KIF1B: variants seen among roughly 807,000 people sequenced by gnomAD.
KIF1B encodes the protein kinesin family member 1B, also known as kinesin-like protein KIF1B.
A neutral mutation model predicts 241.9 loss-of-function variants in KIF1B; 76 were observed. That is an observed-to-expected ratio of 0.31 (90% CI 0.26 to 0.38). The LOEUF is 0.38. KIF1B is among the 10% of genes least tolerant of loss of function. KIF1B has a pLI of 1.00. For synonymous variants in KIF1B, 750 were observed against 796.7 expected (o/e 0.94, Z 0.99); for missense variants, 1,622 against 2,271.4 (o/e 0.71, Z 5.81).
At position 10,335,841 on chromosome 1, in the gene KIF1B, G is replaced by GAA. The variant is rs70997221; in HGVS notation, c.3044-805_3044-804dup. Among the ~76,000 whole-genome samples, 517 of 144,082 alleles carry GAA rather than the reference G, an allele frequency of 3.6e-3. 3 individuals are homozygous for GAA. The highest frequency in any genetic ancestry group is 0.012 in the African/African-American group (467 of 39,190). The allele number at this position is 144,082 out of a possible 152,430, so 94.5% of individuals were successfully genotyped here. ...AGACCCCATCTCTTAAAAAACAATT[G>GAA]AAAAAAAAAAAAGATTTTGGTATTT... On this transcript the variant is annotated intron_variant, in intron 28 of 48. Coordinates refer to ENST00000676179, the MANE Select transcript of KIF1B (RefSeq NM_001365951.3).
At chr1:10,248,004 C>T (rs1463033596) in intron 2 of KIF1B, among the ~76,000 whole-genome samples, 2 of 152,172 alleles carry the variant, frequency 1.3e-5, no homozygotes, top group Admixed American at 6.6e-5. Context: ...GACAGATGCT[C>T]GCCTGTTGCT....
chr1:10,265,605 G>C (rs1648414653), intron 5 of KIF1B, among the ~76,000 whole-genome samples: 1 of 152,120 alleles, frequency 6.6e-6, no homozygotes, highest in African/African-American at 2.4e-5. Context: ...TGCACTTTGG[G>C]AGGCCAAGAT....
rs183727310 is a variant in KIF1B, at chr1:10,287,046, C to T, written c.1435-4036C>T. Among the ~76,000 whole-genome samples the T allele has an allele frequency of 7.9e-5, 12 of 152,306 alleles. No homozygotes were observed. The East Asian group carries it at 2.1e-3, about 27-fold the overall frequency. The stretch of plus-strand genomic sequence containing the variant: ...GAATGCTGTTTTGCACTTGGCTTCC[C>T]TATTTATACTAAGTTTGCTACTCAG... On this transcript the variant is annotated intron_variant, in intron 15 of 48. Coordinates refer to ENST00000676179, the MANE Select transcript of KIF1B (RefSeq NM_001365951.3).
chr1:10,232,520 A>C, intron 2 of KIF1B, 86 bp downstream of exon 2: 1 of 935,530 alleles, frequency 1.1e-6, no homozygotes, highest in Non-Finnish European at 1.7e-6. Context: ...GAATAGATGA[A>C]CATCTGTATG....
At chr1:10,252,246 G>A (rs140404881) in intron 2 of KIF1B, among the ~76,000 whole-genome samples, 1 of 151,798 alleles carries the variant, frequency 6.6e-6, no homozygotes, top group Non-Finnish European at 1.5e-5. Flanking sequence ...CACCACGTTG[G>A]CCAGGCTGGT....
At chr1:10,350,184 A>G (rs143393795) in intron 37 of KIF1B, among the ~76,000 whole-genome samples, 4,401 of 149,886 alleles carry the variant, frequency 0.029, 65 homozygotes, top group African/African-American at 0.039. Context: ...AGGTACTCGG[A>G]AGGCTGAGAC....
chr1:10,232,480 T>C lies in KIF1B; in HGVS notation c.106+46T>C, dbSNP rs750694157. On this transcript the variant is annotated intron_variant, in intron 2 of 48. Transcript: ENST00000676179. ...CTCAGCTGTGTATCTTACTTTCCTT[T>C]CTTCTTTCCCTGTCGTCTTGCTGTG... 9.5e-6 allele frequency: 13 copies of C among 1,365,226 alleles called. No individual in the cohort carries two copies. In the South Asian group the frequency reaches 1.4e-4, roughly 15 times the overall value. 84.6% of individuals were successfully genotyped at this position (1,365,226 alleles called of 1,614,324 possible). A position where few individuals can be genotyped will look rare whatever the true frequency, so the allele number is the denominator to read the frequency against.
At chr1:10,245,096 C>T (rs1386397033) in intron 2 of KIF1B, among the ~76,000 whole-genome samples, 1 of 152,140 alleles carries the variant, frequency 6.6e-6, no homozygotes, top group Non-Finnish European at 1.5e-5. Context: ...TTGCCAACAA[C>T]AGTATAATTA....
chr1:10,276,464 C>CTTT, intron 12 of KIF1B, 65 bp downstream of exon 12: 1 of 1,096,700 alleles, frequency 9.1e-7, no homozygotes, highest in Non-Finnish European at 1.4e-6. Context: ...TTTGTGATAC[C>CTTT]ATGGATGTTT....
intron 1 of KIF1B, among the ~76,000 whole-genome samples, chr1:10,220,371 A>AATAGATAGATAG (rs1553160021): frequency 1.7e-4 from 25 of 143,676 alleles, no homozygotes; most frequent in African/African-American, 4.4e-4. Flanking sequence ...ACCCTGTTTC[A>AATAGATAGATAG]ATAGATAGAT....
At chr1:10,318,940 C>T (rs1273749125) in intron 22 of KIF1B, among the ~76,000 whole-genome samples, 1 of 152,036 alleles carries the variant, frequency 6.6e-6, no homozygotes, top group African/African-American at 2.4e-5. Context: ...TACTACATAT[C>T]TGTATACTGA....
intron 1 of KIF1B, among the ~76,000 whole-genome samples, chr1:10,217,273 C>G (rs1646781373): frequency 6.6e-6 from 1 of 151,216 alleles, no homozygotes; most frequent in African/African-American, 2.4e-5. Context: ...TGTGCCCAGC[C>G]TTTTCTACTG....
chr1:10,356,322 G>A (rs951363365), intron 38 of KIF1B, among the ~76,000 whole-genome samples: 6 of 151,922 alleles, frequency 3.9e-5, no homozygotes, highest in Non-Finnish European at 4.4e-5. Context: ...CCGAGATCGC[G>A]CCACTGCATT....
intron 35 of KIF1B, 55 bp from the exon 36 acceptor site, chr1:10,347,705 TA>T: frequency 7.0e-7 from 1 of 1,432,294 alleles, no homozygotes; most frequent in Non-Finnish European, 9.8e-7. Flanking sequence ...CACCAGGGGC[TA>T]AGCCTTGCAG....
At chr1:10,289,377 G>A (rs1649872907) in intron 15 of KIF1B, among the ~76,000 whole-genome samples, 1 of 152,036 alleles carries the variant, frequency 6.6e-6, no homozygotes, top group Non-Finnish European at 1.5e-5. Context: ...AAAACTCCAG[G>A]TACTTTCCCA....
At chr1:10,249,082 T>C (rs1389507098) in intron 2 of KIF1B, among the ~76,000 whole-genome samples, 2 of 152,236 alleles carry the variant, frequency 1.3e-5, no homozygotes, top group African/African-American at 4.8e-5. Flanking sequence ...AAGTGGCGAC[T>C]TGTCCTAGAC....
At position 10,324,986 on chromosome 1, in the gene KIF1B, G is replaced by GA. The variant is rs998228406; in HGVS notation, c.2675+100dup. 7.3e-4 allele frequency: 1,053 copies of GA among 1,442,320 alleles called. 1 individual carries two copies. The highest frequency in any genetic ancestry group is 7.8e-4 in the Non-Finnish European group (817 of 1,042,096). 89.3% of individuals were successfully genotyped at this position (1,442,320 alleles called of 1,614,324 possible). ...AGCAGATAATATAAAAAGTTAAGAG[G>GA]AAAAAAAAAGGTGTAAAAAGGCCTT... On this transcript the variant is annotated intron_variant, in intron 26 of 48. Transcript: ENST00000676179.
chr1:10,308,384 G>A (rs1265436319), intron 22 of KIF1B: 4 of 1,049,192 alleles, frequency 3.8e-6, no homozygotes, highest in Non-Finnish European at 4.6e-6. Flanking sequence ...ATTGTGAAAT[G>A]TATTAGGTGT....
intron 1 of KIF1B, among the ~76,000 whole-genome samples, chr1:10,219,133 G>A (rs976791171): frequency 6.6e-6 from 1 of 152,138 alleles, no homozygotes; most frequent in African/African-American, 2.4e-5. Context: ...TTCTAAAGAT[G>A]TTCTAAGAGA....
Sources: gnomAD v4.1 joint callset for allele counts (sites outside exome capture counted in the v4.1 genomes callset) on GRCh38, gnomAD v4.1.1 for gene constraint, MANE v1.5 for transcripts, NCBI Gene and HGNC (gene_info 2026-07-23, HGNC 2026-07-21) for gene names.